UGT1A10: variants seen among roughly 807,000 people sequenced by gnomAD.
UGT1A10 encodes the protein UDP-glucuronosyltransferase 1A10.
In UGT1A10, 49 loss-of-function variants were observed where a neutral mutation model predicts 45.8. The ratio of observed to expected loss-of-function variants is 1.07; its 90% confidence interval spans 0.85 to 1.36. The LOEUF is 1.36. UGT1A10 is among the 40% of genes most tolerant of loss of function. UGT1A10 has a pLI of 0.00. For missense variants in UGT1A10, 745 were observed against 668.6 expected (o/e 1.11, Z -1.26); for synonymous variants, 284 against 249.7 (o/e 1.14, Z -1.29).
chr2:233,686,298 CAA>C (rs1042639536), intron 1 of UGT1A10, among the ~76,000 whole-genome samples: 4 of 151,070 alleles, frequency 2.6e-5, no homozygotes, highest in African/African-American at 7.3e-5. Flanking sequence ...ACAAGAAAAA[CAA>C]GAGATAAATC....
At chr2:233,772,152 T>C (rs1386097688) in intron 4 of UGT1A10, 110 bp from the exon 5 acceptor site, 1 of 1,556,926 alleles carries the variant, frequency 6.4e-7, no homozygotes, top group African/African-American at 1.4e-5. Flanking sequence ...ACAGGTTTCC[T>C]TTCCCAAGTT....
At chr2:233,741,466 G>C (rs577572519) in intron 1 of UGT1A10, 1 of 149,788 alleles carries the variant, frequency 6.7e-6, no homozygotes, top group Non-Finnish European at 1.5e-5. Flanking sequence ...CTTCACACAT[G>C]TAAGTTCCCT....
intron 1 of UGT1A10, among the ~76,000 whole-genome samples, chr2:233,696,604 C>T (rs926125593): frequency 2.2e-5 from 3 of 133,902 alleles, no homozygotes; most frequent in African/African-American, 8.6e-5. Context: ...AACTTGGATG[C>T]CCTTTCTTTC....
At chr2:233,717,997 G>T in intron 1 of UGT1A10, 2 of 419,518 alleles carry the variant, frequency 4.8e-6, no homozygotes, top group South Asian at 3.4e-5. Context: ...GACTGTGCAA[G>T]ATCTGAGGCC....
rs756759474 is a variant in UGT1A10, at chr2:233,755,078, G to A, written c.856-11956G>A. ...CCCTCGCCTCGCCATAGCGGTCATA[G>A]ATATCGCGTTTCTACGCGTCCGACA... is the stretch of plus-strand genomic sequence containing the variant. On this transcript the variant is annotated intron_variant, in intron 1 of 4. Coordinates refer to ENST00000344644, the MANE Select transcript of UGT1A10 (RefSeq NM_019075.4). 9 of 1,336,426 alleles carry A rather than the reference G, an allele frequency of 6.7e-6. No individual in the cohort carries two copies. The Admixed American group carries it at 1.1e-4, about 17-fold the overall frequency. 82.8% of individuals were successfully genotyped at this position (1,336,426 alleles called of 1,614,324 possible).
At chr2:233,672,064 G>T in intron 1 of UGT1A10, 2 of 1,614,154 alleles carry the variant, frequency 1.2e-6, no homozygotes, top group Non-Finnish European at 1.7e-6. Context: ...CATGAGGTCG[G>T]TGGTGGAGAA....
At chr2:233,731,284 C>CTTTTTTTTTTT (rs78127606) in intron 1 of UGT1A10, among the ~76,000 whole-genome samples, 1 of 139,762 alleles carries the variant, frequency 7.2e-6, no homozygotes. Flanking sequence ...GTTTTTCTTT[C>CTTTTTTTTTTT]TTTTTTTTTT....
intron 1 of UGT1A10, among the ~76,000 whole-genome samples, chr2:233,662,146 C>G (rs1239121583): frequency 1.3e-5 from 2 of 152,154 alleles, no homozygotes; most frequent in Non-Finnish European, 2.9e-5. Flanking sequence ...CTCTTGACTA[C>G]AAATGGTGTC....
rs769416194 is a variant in UGT1A10 at position 233,748,156 on chromosome 2, T to A, written c.856-18878T>A. On this transcript the variant is annotated intron_variant, in intron 1 of 4. Coordinates refer to ENST00000344644, the MANE Select transcript of UGT1A10 (RefSeq NM_019075.4). ...AAAATTGTATTTACTTACAATTGCT[T>A]CCATATCTACTTATCTTTCTGGTGC... is the stretch of plus-strand genomic sequence containing the variant. The A allele has an allele frequency of 2.7e-4, 434 of 1,601,764 alleles. 1 individual carries two copies. Among genetic ancestry groups the A allele is most frequent in the Non-Finnish European group, 3.4e-4 (402 of 1,173,972 alleles).
intron 1 of UGT1A10, among the ~76,000 whole-genome samples, chr2:233,669,318 A>G (rs1165332779): frequency 6.6e-6 from 1 of 152,024 alleles, no homozygotes; most frequent in Admixed American, 6.6e-5. Context: ...TTCCCTATGA[A>G]TTTTAGAATC....
intron 1 of UGT1A10, chr2:233,719,466 T>C (rs2076769813): frequency 6.2e-7 from 1 of 1,614,004 alleles, no homozygotes; most frequent in South Asian, 1.1e-5. Flanking sequence ...GAACATGCTC[T>C]ACCCTCTGGC....
intron 2 of UGT1A10, among the ~76,000 whole-genome samples, chr2:233,767,609 C>G (rs1559414231): frequency 6.6e-6 from 1 of 152,118 alleles, no homozygotes; most frequent in Admixed American, 6.6e-5. Flanking sequence ...TGAAAAAATC[C>G]TAAGTGCACA....
intron 1 of UGT1A10, among the ~76,000 whole-genome samples, chr2:233,746,352 C>T (rs540725782): frequency 6.6e-6 from 1 of 151,844 alleles, no homozygotes; most frequent in African/African-American, 2.4e-5. Flanking sequence ...TTATGTTGCT[C>T]CTTTAGTAAC....
intron 1 of UGT1A10, among the ~76,000 whole-genome samples, chr2:233,705,589 C>CT (rs1259652270): frequency 6.6e-6 from 1 of 152,106 alleles, no homozygotes; most frequent in Non-Finnish European, 1.5e-5. Context: ...GTTTATGGAT[C>CT]TGGGAAAGGC....
chr2:233,754,587 G>A (rs1339334824), intron 1 of UGT1A10: 1 of 428,154 alleles, frequency 2.3e-6, no homozygotes, highest in Non-Finnish European at 4.7e-6. Flanking sequence ...CGTTTATTAT[G>A]AAGGACTTTA....
intron 1 of UGT1A10, among the ~76,000 whole-genome samples, chr2:233,666,154 A>G (rs891491181): frequency 2.6e-5 from 4 of 152,156 alleles, no homozygotes; most frequent in African/African-American, 9.7e-5. Context: ...GAAGCAAGAG[A>G]AAAAGGAGGC....
intron 1 of UGT1A10, chr2:233,691,654 TC>T: frequency 1.0e-6 from 1 of 984,858 alleles, no homozygotes; most frequent in Non-Finnish European, 1.2e-6. Flanking sequence ...AGTGTGACCC[TC>T]CCTTTCTGGG....
chr2:233,765,490 A>G (rs552851651), intron 1 of UGT1A10, among the ~76,000 whole-genome samples: 4 of 152,238 alleles, frequency 2.6e-5, no homozygotes, highest in Non-Finnish European at 5.9e-5. Flanking sequence ...ATCATCCTCC[A>G]CAAACTAACA....
chr2:233,769,478 T>C lies in UGT1A10; in HGVS notation c.1295+1039T>C. The C allele has an allele frequency of 5.6e-6, 9 of 1,611,038 alleles. No homozygotes were observed. Among genetic ancestry groups the C allele is most frequent in the Non-Finnish European group, 7.6e-6 (9 of 1,178,536 alleles). On this transcript the variant is annotated intron_variant, in intron 4 of 4. Transcript: ENST00000344644. The surrounding 1 kb of genome is among the most constrained non-coding windows in gnomAD (Gnocchi z 4.4). Reference sequence around the variant, plus strand: ...GCATTCATATGCGTGTGTGTGTGTGTGCGTGTGTTTATGAGAGTGTCCATT... The same window carrying C: ...GCATTCATATGCGTGTGTGTGTGTGCGCGTGTGTTTATGAGAGTGTCCATT...
Sources: allele counts gnomAD v4.1 joint callset (sites outside exome capture counted in the v4.1 genomes callset), GRCh38; gene constraint gnomAD v4.1.1; non-coding constraint Gnocchi (gnomAD v3.1); transcripts MANE v1.5; gene names NCBI Gene and HGNC (gene_info 2026-07-23, HGNC 2026-07-21).